Variants in BBS9 observed in about 807,000 individuals in gnomAD.
The protein encoded by BBS9 is protein PTHB1.
BBS9 carries 89 observed loss-of-function variants against 117.7 expected under a neutral mutation model. The ratio of observed to expected loss-of-function variants is 0.76; its 90% CI spans 0.64 to 0.90. BBS9 has a LOEUF of 0.90. Among genes scored for constraint, BBS9 ranks in the 40% least tolerant of loss-of-function variants. BBS9 has a pLI of 0.00. For missense variants in BBS9, 982 were observed against 1,042.2 expected (o/e 0.94, Z 0.80); for synonymous variants, 379 against 370.9 (o/e 1.02, Z -0.25).
intron 19 of BBS9, among the ~76,000 whole-genome samples, chr7:33,421,084 A>G (rs1584763467): frequency 6.6e-6 from 1 of 152,354 alleles, no homozygotes; most frequent in African/African-American, 2.4e-5. Context: ...GTAAAGGAGT[A>G]GAAATGGAAG....
At chr7:33,267,042 A>G (rs764649494) in intron 7 of BBS9, among the ~76,000 whole-genome samples, 10 of 152,042 alleles carry the variant, frequency 6.6e-5, no homozygotes, top group Middle Eastern at 3.4e-3. Flanking sequence ...CACGCCTGGC[A>G]TATATCTATA....
chr7:33,160,457 A>G (rs1007608242), intron 4 of BBS9, among the ~76,000 whole-genome samples: 1 of 152,192 alleles, frequency 6.6e-6, no homozygotes, highest in Non-Finnish European at 1.5e-5. Context: ...AATCCTTCAC[A>G]AATTAAAGTA....
chr7:33,569,992 A>G (rs998501786), intron 21 of BBS9, among the ~76,000 whole-genome samples: 1 of 152,194 alleles, frequency 6.6e-6, no homozygotes, highest in Admixed American at 6.5e-5. Flanking sequence ...TAGGTAATAC[A>G]TGCTTATCTT....
At chr7:33,455,143 G>C (rs1255083765) in intron 19 of BBS9, among the ~76,000 whole-genome samples, 1 of 152,140 alleles carries the variant, frequency 6.6e-6, no homozygotes, top group Admixed American at 6.5e-5. Context: ...GTACACAGTT[G>C]TTCCCTGGCT....
At chr7:33,573,276 T>C (rs1167177380) in intron 21 of BBS9, among the ~76,000 whole-genome samples, 1 of 152,174 alleles carries the variant, frequency 6.6e-6, no homozygotes. Flanking sequence ...GTTGTGCTTA[T>C]TGCTATTGGT....
chr7:33,525,933 G>A (rs537305483), intron 20 of BBS9, among the ~76,000 whole-genome samples: 56 of 151,498 alleles, frequency 3.7e-4, no homozygotes, highest in African/African-American at 1.3e-3. Context: ...AGCTCTTTTA[G>A]GGCAGGCCTG....
intron 21 of BBS9, among the ~76,000 whole-genome samples, chr7:33,583,907 T>C (rs927370263): frequency 6.6e-6 from 1 of 152,164 alleles, no homozygotes; most frequent in Admixed American, 6.6e-5. Flanking sequence ...TTGAATGTTA[T>C]TATATATATC....
intron 5 of BBS9, among the ~76,000 whole-genome samples, chr7:33,205,915 G>C (rs897048962): frequency 5.3e-5 from 8 of 152,256 alleles, no homozygotes; most frequent in Non-Finnish European, 8.8e-5. Flanking sequence ...AATTAAAGCA[G>C]ATAGCCCACT....
intron 19 of BBS9, among the ~76,000 whole-genome samples, chr7:33,431,395 G>A (rs888901768): frequency 3.3e-5 from 5 of 152,066 alleles, no homozygotes; most frequent in South Asian, 2.1e-4. Context: ...GTCAGAGTCC[G>A]CTGTGATCTG....
At chr7:33,499,235 C>G (rs1377497520) in intron 19 of BBS9, among the ~76,000 whole-genome samples, 1 of 152,178 alleles carries the variant, frequency 6.6e-6, no homozygotes, top group Non-Finnish European at 1.5e-5. Context: ...CAGACACTTA[C>G]AGCTATGTTG....
At chr7:33,520,409 A>T (rs1365789922) in intron 20 of BBS9, among the ~76,000 whole-genome samples, 1 of 152,210 alleles carries the variant, frequency 6.6e-6, no homozygotes, top group Non-Finnish European at 1.5e-5. Flanking sequence ...GAGAACTCTC[A>T]CAAGTAAGAA....
chr7:33,537,985 G>T (rs998784473), intron 21 of BBS9, among the ~76,000 whole-genome samples: 4 of 152,126 alleles, frequency 2.6e-5, no homozygotes, highest in Non-Finnish European at 5.9e-5. Context: ...ATATAGATAA[G>T]TGACGGCCCA....
intron 19 of BBS9, among the ~76,000 whole-genome samples, chr7:33,433,010 T>G (rs1432798918): frequency 6.6e-6 from 1 of 152,176 alleles, no homozygotes; most frequent in Non-Finnish European, 1.5e-5. Context: ...CCTTGAGGCA[T>G]GGTCCATCAA....
chr7:33,243,584 G>A (rs1794878633), intron 5 of BBS9, among the ~76,000 whole-genome samples: 1 of 152,146 alleles, frequency 6.6e-6, no homozygotes, highest in Non-Finnish European at 1.5e-5. Context: ...TATGGAAAAT[G>A]TCTGTTTCCT....
intron 21 of BBS9, among the ~76,000 whole-genome samples, chr7:33,616,493 G>GTGTATATA (rs375605829): frequency 3.7e-5 from 5 of 136,422 alleles, no homozygotes; most frequent in Non-Finnish European, 6.3e-5. Flanking sequence ...GTGTGTGTGT[G>GTGTATATA]TATATATATA....
chr7:33,582,387 G>A (rs779693640), intron 21 of BBS9, among the ~76,000 whole-genome samples: 2 of 152,020 alleles, frequency 1.3e-5, no homozygotes, highest in Non-Finnish European at 2.9e-5. Context: ...GGCTGGGAAG[G>A]GGCTAAGTGA....
At chr7:33,238,895 A>T (rs921447087) in intron 5 of BBS9, among the ~76,000 whole-genome samples, 1 of 152,290 alleles carries the variant, frequency 6.6e-6, no homozygotes, top group Middle Eastern at 3.4e-3. Flanking sequence ...GTATACCCCT[A>T]TTAGTGGAAT....
At chr7:33,183,723 A>G (rs141921591) in intron 5 of BBS9, among the ~76,000 whole-genome samples, 1 of 152,340 alleles carries the variant, frequency 6.6e-6, no homozygotes, top group African/African-American at 2.4e-5. Context: ...CCTGTCCTCC[A>G]GATGGCTGAG....
chr7:33,348,964 G>A, intron 12 of BBS9, 104 bp from the exon 13 acceptor site: 1 of 793,002 alleles, frequency 1.3e-6, no homozygotes, highest in Non-Finnish European at 2.1e-6. Flanking sequence ...TTTTCCTCAG[G>A]TAATATTTTC....
Sources: gnomAD v4.1 joint callset for allele counts (sites outside exome capture counted in the v4.1 genomes callset) on GRCh38, gnomAD v4.1.1 for gene constraint, MANE v1.5 for transcripts, NCBI Gene and HGNC (gene_info 2026-07-23, HGNC 2026-07-21) for gene names.